MGAT5: variants seen among roughly 807,000 people sequenced by gnomAD.
MGAT5 encodes alpha-1,6-mannosylglycoprotein 6-beta-N-acetylglucosaminyltransferase A.
MGAT5 carries 30 observed loss-of-function variants against 94.3 expected under a neutral mutation model. The observed-to-expected ratio is 0.32, with a 90% CI of 0.24 to 0.43. MGAT5 has a LOEUF of 0.43. Among genes scored for constraint, MGAT5 ranks in the 20% least tolerant of loss-of-function variants. The probability of loss-of-function intolerance (pLI) is 1.00; values close to 1 mark genes in which losing one functional copy is unlikely to be tolerated. For missense variants in MGAT5, 691 were observed against 905.5 expected, an observed-to-expected ratio of 0.76 and a Z score of 3.04; for synonymous variants, 310 against 322.9, an observed-to-expected ratio of 0.96 and a Z score of 0.43.
chr2:134,327,014 C>G (rs538081365), intron 4 of MGAT5, among the ~76,000 whole-genome samples: 2 of 152,212 alleles, frequency 1.3e-5, no homozygotes, highest in South Asian at 4.1e-4. Context: ...CTGTTTTGTT[C>G]TCACGTACAA....
intron 10 of MGAT5, among the ~76,000 whole-genome samples, chr2:134,376,215 A>G (rs1459605441): frequency 6.6e-6 from 1 of 152,138 alleles, no homozygotes; most frequent in Non-Finnish European, 1.5e-5. Context: ...GTGGAATTTT[A>G]ACCTATTGCC....
intron 10 of MGAT5, among the ~76,000 whole-genome samples, chr2:134,401,889 A>G (rs1683077287): frequency 6.6e-6 from 1 of 152,170 alleles, no homozygotes; most frequent in Non-Finnish European, 1.5e-5. Context: ...GTCCTTTGTA[A>G]TATCACCAGG....
rs906193819 is a variant in MGAT5, at chr2:134,333,672, T to G, written c.574-2545T>G. Among the ~76,000 whole-genome samples, 5 of 152,070 alleles carry G rather than the reference T, an allele frequency of 3.3e-5. No homozygotes were observed. The East Asian group carries it at 9.6e-4, about 29-fold the overall frequency. ...GCATCCTCTACTGGTGGGTTAAGCTTGTTAAAGGACCCTGGACAGATCAAA... is the reference window on the plus strand; with the variant it reads ...GCATCCTCTACTGGTGGGTTAAGCTGGTTAAAGGACCCTGGACAGATCAAA... On this transcript the variant is annotated intron_variant, in intron 4 of 15. Transcript: ENST00000281923.
chr2:134,421,495 G>T (rs1471553811), intron 12 of MGAT5, among the ~76,000 whole-genome samples: 1 of 151,946 alleles, frequency 6.6e-6, no homozygotes, highest in Non-Finnish European at 1.5e-5. Context: ...TGAAGCAGGA[G>T]AATTGCTTGA....
At position 134,317,511 on chromosome 2, in the gene MGAT5, G is replaced by T; in HGVS notation, c.407-18G>T. On this transcript the variant is annotated intron_variant, in intron 2 of 15. Coordinates refer to ENST00000281923, the MANE Select transcript of MGAT5 (RefSeq NM_002410.5). ...TATAGATCTCATTGTATCCTTTGTT[G>T]TTTTTCATTCTTCACAGATATCATT... The T allele has an allele frequency of 6.5e-7, 1 of 1,533,724 alleles. No individual in the cohort carries two copies. The highest frequency in any genetic ancestry group is 2.0e-5 in the Admixed American group (1 of 49,268).
rs146927235 is a variant in MGAT5 at position 134,201,252 on chromosome 2, G to A, written c.-142-53010G>A. On this transcript the variant is annotated intron_variant, in intron 1 of 16. Transcript: ENST00000409645. ...GGGCTGTGAACCAATAGCTATAGTC[G>A]AGTGTTAAATAAGGCAAAAGTAGGT... Among the ~76,000 whole-genome samples the A allele has an allele frequency of 1.4e-3, 219 of 152,144 alleles. 2 individuals carry two copies. Among genetic ancestry groups the A allele is most frequent in the African/African-American group, 4.7e-3 (194 of 41,548 alleles).
intron 1 of MGAT5, among the ~76,000 whole-genome samples, chr2:134,242,207 C>T (rs987629705): frequency 6.6e-6 from 1 of 152,160 alleles, no homozygotes; most frequent in Admixed American, 6.5e-5. Flanking sequence ...CTGCATAAGG[C>T]GCTTTGCTGT....
chr2:134,422,720 T>C (rs1684367761), intron 12 of MGAT5, 83 bp from the exon 13 acceptor site: 6 of 976,906 alleles, frequency 6.1e-6, no homozygotes, highest in Non-Finnish European at 9.7e-6. Flanking sequence ...TATAACTCAG[T>C]ACCATAAAAA....
intron 8 of MGAT5, among the ~76,000 whole-genome samples, chr2:134,345,560 T>A (rs1237301269): frequency 6.6e-6 from 1 of 152,208 alleles, no homozygotes; most frequent in Non-Finnish European, 1.5e-5. Flanking sequence ...GTGTACTCTG[T>A]GCAGTCTTTA....
chr2:134,270,500 C>G lies in MGAT5; in HGVS notation c.356C>G (p.Ser119Cys). Reference protein sequence around the residue: ...VNGTGTNSTNSTTAVPSLVAL... With the variant: ...VNGTGTNSTNCTTAVPSLVAL... Reference sequence around the variant, plus strand: ...GGCACCGGAACAAACTCAACCAACTCCACTACAGCTGTTCCCAGCTTGGTT... The same window carrying G: ...GGCACCGGAACAAACTCAACCAACTGCACTACAGCTGTTCCCAGCTTGGTT... The change falls in exon 2 of 16, where the codon TCC becomes TGC. Residue 119 changes from serine to cysteine, a missense_variant. Coordinates refer to ENST00000281923, the MANE Select transcript of MGAT5 (RefSeq NM_002410.5). 6.2e-7 allele frequency: 1 copy of G among 1,614,182 alleles called. No individual in the cohort carries two copies. The highest frequency in any genetic ancestry group is 1.1e-5 in the South Asian group (1 of 91,082).
chr2:134,398,559 C>T (rs1343347049), intron 10 of MGAT5, among the ~76,000 whole-genome samples: 2 of 152,172 alleles, frequency 1.3e-5, no homozygotes, highest in African/African-American at 4.8e-5. Flanking sequence ...TGCTATTCAC[C>T]AAAGAACATT....
At chr2:134,201,593 T>G (rs928948102) in intron 1 of MGAT5, among the ~76,000 whole-genome samples, 3 of 152,082 alleles carry the variant, frequency 2.0e-5, no homozygotes, top group Admixed American at 2.0e-4. Flanking sequence ...TGAAACAATT[T>G]TTATGATTTG....
At chr2:134,209,152 A>ATTTT (rs869116395) in intron 1 of MGAT5, among the ~76,000 whole-genome samples, 1 of 20,768 alleles carries the variant, frequency 4.8e-5, no homozygotes, top group Non-Finnish European at 6.4e-5. Flanking sequence ...TTTTTTTTTT[A>ATTTT]TTTTTTTTTT....
intron 2 of MGAT5, among the ~76,000 whole-genome samples, chr2:134,285,335 A>G (rs1302893940): frequency 1.3e-5 from 2 of 152,062 alleles, no homozygotes; most frequent in Non-Finnish European, 2.9e-5. Flanking sequence ...TTAAGGGAGC[A>G]TTCTCTTTAT....
intron 14 of MGAT5, among the ~76,000 whole-genome samples, chr2:134,436,757 T>C (rs893702493): frequency 3.9e-5 from 6 of 152,180 alleles, no homozygotes; most frequent in Non-Finnish European, 8.8e-5. Flanking sequence ...GGAGCATTTA[T>C]GGAGCACCTG....
At chr2:134,139,801 G>A (rs527996209) in intron 1 of MGAT5, among the ~76,000 whole-genome samples, 2 of 152,278 alleles carry the variant, frequency 1.3e-5, no homozygotes, top group South Asian at 4.1e-4. Flanking sequence ...GGTAAGCAGT[G>A]CCAGAGGATG....
intron 1 of MGAT5, chr2:134,231,376 G>A (rs1172964901): frequency 6.6e-6 from 1 of 152,148 alleles, no homozygotes; most frequent in African/African-American, 2.4e-5. Flanking sequence ...TAATTGTATG[G>A]TATGTGAATT....
chr2:134,315,658 G>A (rs1003710634), intron 2 of MGAT5, among the ~76,000 whole-genome samples: 5 of 152,196 alleles, frequency 3.3e-5, no homozygotes, highest in Non-Finnish European at 4.4e-5. Flanking sequence ...GCTGTGGTCC[G>A]TGGTATCTGC....
intron 12 of MGAT5, 65 bp downstream of exon 12, chr2:134,413,080 A>G (rs1036014234): frequency 1.3e-6 from 2 of 1,552,474 alleles, no homozygotes; most frequent in East Asian, 2.3e-5. Flanking sequence ...TTGAGTGCTC[A>G]TGTAGGTATT....
Sources: allele counts gnomAD v4.1 joint callset (sites outside exome capture counted in the v4.1 genomes callset), GRCh38; gene constraint gnomAD v4.1.1; transcripts MANE v1.5; gene names NCBI Gene and HGNC (gene_info 2026-07-23, HGNC 2026-07-21).